Variants in ACSL3 observed in about 807,000 individuals in gnomAD.
The protein encoded by ACSL3 is acyl-CoA synthetase long chain family member 3.
ACSL3 carries 34 observed loss-of-function variants against 84.7 expected under a neutral mutation model. That is an observed-to-expected ratio of 0.40 (90% CI 0.31 to 0.53). The LOEUF is 0.53. ACSL3 is among the 20% of genes least tolerant of loss of function. ACSL3 has a pLI of 0.48. For missense variants in ACSL3, 680 were observed against 873.1 expected (o/e 0.78, Z 2.79); for synonymous variants, 315 against 299.4 (o/e 1.05, Z -0.54).
At chr2:222,934,381 G>T in intron 15 of ACSL3, 149 bp from the exon 16 acceptor site, 1 of 532,898 alleles carries the variant, frequency 1.9e-6, no homozygotes, top group Non-Finnish European at 3.0e-6. Context: ...AAAACTGGCG[G>T]TTGCATGAAA....
intron 7 of ACSL3, 122 bp from the exon 8 acceptor site, chr2:222,921,158 G>T: frequency 9.2e-7 from 1 of 1,082,998 alleles, no homozygotes; most frequent in Non-Finnish European, 1.4e-6. Context: ...ACTAATATTT[G>T]TTGAATTGAG....
intron 3 of ACSL3, among the ~76,000 whole-genome samples, chr2:222,905,959 A>G (rs1696280717): frequency 6.6e-6 from 1 of 151,668 alleles, no homozygotes; most frequent in Non-Finnish European, 1.5e-5. Flanking sequence ...ACTAAGTCTG[A>G]CATCTGGGCC....
rs770203903 is a variant in ACSL3, at chr2:222,921,441, G to A, written c.956+11G>A. 1.3e-6 allele frequency: 2 copies of A among 1,569,750 alleles called. No homozygotes were observed. Among genetic ancestry groups the A allele is most frequent in the Non-Finnish European group, 1.7e-6 (2 of 1,146,602 alleles). On this transcript the variant is annotated intron_variant, in intron 8 of 16. Transcript: ENST00000357430. ...GATTCCAGAACTAGGGTATGTCATA[G>A]TAAAGTAACATTGAGTAGTTAAGTA...
intron 1 of ACSL3, among the ~76,000 whole-genome samples, chr2:222,862,381 C>T (rs868473193): frequency 6.6e-6 from 1 of 152,248 alleles, no homozygotes; most frequent in Middle Eastern, 3.4e-3. Flanking sequence ...TGCTGCCTCT[C>T]CTTGGTGGCT....
At chr2:222,899,655 A>G (rs1213927341) in intron 2 of ACSL3, among the ~76,000 whole-genome samples, 2 of 152,152 alleles carry the variant, frequency 1.3e-5, no homozygotes, top group Non-Finnish European at 2.9e-5. Context: ...TAGCTACTCC[A>G]TAGACAGAGT....
chr2:222,907,444 C>G (rs1208470839), intron 3 of ACSL3, among the ~76,000 whole-genome samples: 1 of 152,126 alleles, frequency 6.6e-6, no homozygotes. Flanking sequence ...TAACTAGTTA[C>G]TAGTTAGCTT....
chr2:222,865,106 TAA>T (rs1312543678), intron 1 of ACSL3, among the ~76,000 whole-genome samples: 1 of 152,248 alleles, frequency 6.6e-6, no homozygotes, highest in Admixed American at 6.5e-5. Context: ...TTGTAAATGT[TAA>T]ATCCTGTGGT....
At chr2:222,886,848 C>T (rs1695735949) in intron 1 of ACSL3, among the ~76,000 whole-genome samples, 2 of 152,088 alleles carry the variant, frequency 1.3e-5, no homozygotes, top group African/African-American at 4.8e-5. Context: ...ACAGGCATAG[C>T]CTCCCTCTTT....
chr2:222,891,624 A>G (rs1695847090), intron 2 of ACSL3, among the ~76,000 whole-genome samples: 1 of 152,196 alleles, frequency 6.6e-6, no homozygotes, highest in Non-Finnish European at 1.5e-5. Flanking sequence ...AGTACTCAAG[A>G]GTCCTACTGT....
intron 2 of ACSL3, 136 bp downstream of exon 2, chr2:222,888,024 T>C (rs895017544): frequency 6.6e-6 from 1 of 152,184 alleles, no homozygotes; most frequent in Admixed American, 6.5e-5. Context: ...AAGATAGTTT[T>C]ATATTTACTT....
chr2:222,908,680 T>TA, intron 3 of ACSL3, 53 bp from the exon 4 acceptor site: 1 of 1,284,096 alleles, frequency 7.8e-7, no homozygotes, highest in Non-Finnish European at 1.1e-6. Context: ...AACTTTTCTT[T>TA]AAATTATTTT....
At chr2:222,874,613 C>T (rs1559277211) in intron 1 of ACSL3, among the ~76,000 whole-genome samples, 1 of 150,932 alleles carries the variant, frequency 6.6e-6, no homozygotes. Context: ...TTCAAGGCTG[C>T]AGTGAAAACT....
At chr2:222,869,848 G>T (rs1695252911) in intron 1 of ACSL3, among the ~76,000 whole-genome samples, 1 of 152,160 alleles carries the variant, frequency 6.6e-6, no homozygotes, top group Non-Finnish European at 1.5e-5. Context: ...AAGGCACATG[G>T]ACTTGGAGGA....
chr2:222,880,495 G>A (rs957496538), intron 1 of ACSL3, among the ~76,000 whole-genome samples: 6 of 151,898 alleles, frequency 4.0e-5, no homozygotes, highest in South Asian at 4.1e-4. Flanking sequence ...CTATATTTCC[G>A]TTTCAATTTC....
At chr2:222,919,266 C>T in intron 7 of ACSL3, 64 bp downstream of exon 7, 21 of 1,566,408 alleles carry the variant, frequency 1.3e-5, no homozygotes, top group Non-Finnish European at 1.6e-5. Flanking sequence ...CAGAATTATG[C>T]CAAAGTTTTG....
chr2:222,899,860 A>T (rs889963141), intron 2 of ACSL3, among the ~76,000 whole-genome samples: 2 of 152,272 alleles, frequency 1.3e-5, no homozygotes, highest in South Asian at 4.2e-4. Context: ...AGATATCGGG[A>T]TATCTGGACA....
intron 3 of ACSL3, among the ~76,000 whole-genome samples, chr2:222,904,072 C>T (rs1233159840): frequency 6.6e-6 from 1 of 152,060 alleles, no homozygotes. Flanking sequence ...GTCAGGAGTT[C>T]GAGACCAGCC....
chr2:222,894,562 T>C (rs894864619), intron 2 of ACSL3, among the ~76,000 whole-genome samples: 3 of 152,238 alleles, frequency 2.0e-5, no homozygotes, highest in African/African-American at 7.2e-5. Context: ...TAATTCATCT[T>C]GTTATTTTAA....
chr2:222,909,021 T>C lies in ACSL3; in HGVS notation c.249T>C (p.Pro83=). ...SLDGLASVLY[P]GCDTLDKVFT... ...ATGGTTTGGCTTCAGTATTATACCC[T>C]GGATGTGATACTTTAGATAAAGTTT... The change falls in exon 4 of 17, where the codon CCT becomes CCC. Residue 83 remains proline (P), a synonymous_variant. Coordinates refer to ENST00000357430, the MANE Select transcript of ACSL3 (RefSeq NM_004457.5). 1 of 1,613,620 alleles carries C rather than the reference T, an allele frequency of 6.2e-7. No individual in the cohort carries two copies. The highest frequency in any genetic ancestry group is 8.5e-7 in the Non-Finnish European group (1 of 1,179,860).
Sources: gnomAD v4.1 joint callset for allele counts (sites outside exome capture counted in the v4.1 genomes callset) on GRCh38, gnomAD v4.1.1 for gene constraint, MANE v1.5 for transcripts, NCBI Gene and HGNC (gene_info 2026-07-23, HGNC 2026-07-21) for gene names.